EPB41: variants seen among roughly 807,000 people sequenced by gnomAD.
The protein encoded by EPB41 is protein 4.1.
EPB41 carries 65 observed loss-of-function variants against 108.0 expected under a neutral mutation model. The ratio of observed to expected loss-of-function variants is 0.60; its 90% CI spans 0.49 to 0.74. EPB41 has a LOEUF of 0.74. EPB41 is among the 30% of genes least tolerant of loss of function. EPB41 has a pLI of 0.00. For synonymous variants in EPB41, 336 were observed against 358.9 expected (o/e 0.94, Z 0.72); for missense variants, 875 against 1,037.0 (o/e 0.84, Z 2.15).
chr1:28,898,190 C>A lies in EPB41; in HGVS notation c.-8+10980C>A, dbSNP rs572347836. 2.0e-5 allele frequency among the ~76,000 whole-genome samples: 3 copies of A among 152,186 alleles called. No individual in the cohort carries two copies. In the South Asian group the frequency reaches 6.2e-4, roughly 32 times the overall value. On this transcript the variant is annotated intron_variant, in intron 1 of 16. Coordinates refer to the EPB41 transcript ENST00000347529. ...GGAAGTAGGGCCCACGTCAGGCAGA[C>A]CTTTGGGGATGTCACTGGCTCCCCT...
At chr1:29,105,743 C>CTTTTTTTTT (rs63685960) in intron 17 of EPB41, among the ~76,000 whole-genome samples, 3 of 91,082 alleles carry the variant, frequency 3.3e-5, no homozygotes, top group African/African-American at 4.3e-5. Flanking sequence ...ATGTACAGAT[C>CTTTTTTTTT]TTTTTTTTTT....
chr1:28,996,718 A>G (rs2096185281), intron 3 of EPB41, among the ~76,000 whole-genome samples: 1 of 152,232 alleles, frequency 6.6e-6, no homozygotes, highest in African/African-American at 2.4e-5. Flanking sequence ...AAGAACAGGA[A>G]TTTTATAAAT....
intron 19 of EPB41, among the ~76,000 whole-genome samples, chr1:29,113,056 CT>C (rs1172867163): frequency 1.3e-5 from 2 of 152,176 alleles, no homozygotes; most frequent in African/African-American, 4.8e-5. Context: ...CACTTTTCCG[CT>C]GATTTTTTTC....
chr1:29,102,893 C>T (rs984693266), intron 17 of EPB41, among the ~76,000 whole-genome samples: 4 of 152,186 alleles, frequency 2.6e-5, no homozygotes, highest in Non-Finnish European at 5.9e-5. Flanking sequence ...ATGCCTCAGC[C>T]TCCCAGGTGG....
intron 1 of EPB41, among the ~76,000 whole-genome samples, chr1:28,954,452 C>T (rs2094865528): frequency 6.6e-6 from 1 of 152,062 alleles, no homozygotes; most frequent in Admixed American, 6.6e-5. Flanking sequence ...TCAGGGAACC[C>T]CTTTGTTTAG....
intron 11 of EPB41, among the ~76,000 whole-genome samples, chr1:29,042,494 T>G (rs1191446704): frequency 6.6e-6 from 1 of 152,166 alleles, no homozygotes; most frequent in Non-Finnish European, 1.5e-5. Flanking sequence ...TTTTGTTTTT[T>G]TTGAGACAGA....
At chr1:29,011,940 C>T in intron 5 of EPB41, 33 bp downstream of exon 5, 1 of 1,612,290 alleles carries the variant, frequency 6.2e-7, no homozygotes, top group Non-Finnish European at 8.5e-7. Context: ...ATAGTTCTTT[C>T]TTTCTTTTAG....
At chr1:29,101,246 AAGAG>A (rs754736141) in intron 17 of EPB41, among the ~76,000 whole-genome samples, 3 of 151,988 alleles carry the variant, frequency 2.0e-5, no homozygotes, top group Non-Finnish European at 2.9e-5. Flanking sequence ...AAAAAAGAGA[AAGAG>A]AGAAATAGAA....
intron 16 of EPB41, chr1:29,097,495 T>C (rs1204793481): frequency 2.5e-6 from 1 of 392,574 alleles, no homozygotes; most frequent in East Asian, 5.8e-5. Flanking sequence ...GGCAAATCGT[T>C]TTATATTCAA....
chr1:28,987,983 C>T, intron 2 of EPB41, 78 bp downstream of exon 2: 1 of 1,492,456 alleles, frequency 6.7e-7, no homozygotes, highest in Middle Eastern at 1.8e-4. Context: ...AGTATTTGGG[C>T]TGGGCGCGGT....
intron 1 of EPB41, among the ~76,000 whole-genome samples, chr1:28,952,243 T>C (rs2094759601): frequency 6.6e-6 from 1 of 151,580 alleles, no homozygotes; most frequent in Non-Finnish European, 1.5e-5. Flanking sequence ...AAGTGGTTCG[T>C]GCGGCCGGGC....
chr1:29,034,982 T>C (rs1206993069), intron 9 of EPB41, among the ~76,000 whole-genome samples: 1 of 111,302 alleles, frequency 9.0e-6, no homozygotes, highest in African/African-American at 4.6e-5. Context: ...TGTTTTTTTT[T>C]TTTTTTTTTT....
intron 9 of EPB41, among the ~76,000 whole-genome samples, chr1:29,035,228 C>T (rs1489589231): frequency 6.6e-6 from 1 of 151,900 alleles, no homozygotes; most frequent in East Asian, 1.9e-4. Flanking sequence ...TGTGATCTGC[C>T]CACCTCGGCC....
chr1:28,951,564 C>G (rs1200053897), intron 1 of EPB41, among the ~76,000 whole-genome samples: 1 of 152,098 alleles, frequency 6.6e-6, no homozygotes, highest in African/African-American at 2.4e-5. Context: ...TGTTTGAAAT[C>G]GAGATCAGGC....
Position 28,914,684 on chromosome 1 carries a change from A to G in EPB41, c.-92A>G, listed in dbSNP as rs1024464800. 1 of 151,954 alleles carries G rather than the reference A, an allele frequency of 6.6e-6. No homozygotes were observed. Among genetic ancestry groups the G allele is most frequent in the Non-Finnish European group, 1.5e-5 (1 of 67,926 alleles). The allele number at this position is 151,954 out of a possible 1,614,324, so 9.4% of individuals were successfully genotyped here. On this transcript the variant is annotated 5_prime_UTR_variant, in exon 1 of 21. Transcript: ENST00000343067. ...GGGCCCGCGAGCCGCAGAGGGCCCG[A>G]GCCTCGGACGCCGGCGCCTCCTCCT... is the stretch of plus-strand genomic sequence containing the variant.
chr1:29,056,085 T>G (rs1200723442), intron 12 of EPB41, among the ~76,000 whole-genome samples: 1 of 150,956 alleles, frequency 6.6e-6, no homozygotes, highest in Non-Finnish European at 1.5e-5. Flanking sequence ...ATACAAAAAA[T>G]TAGCCAGGCG....
intron 16 of EPB41, among the ~76,000 whole-genome samples, chr1:29,094,971 T>C (rs1390757297): frequency 6.6e-6 from 1 of 152,268 alleles, no homozygotes; most frequent in East Asian, 1.9e-4. Flanking sequence ...TTACTCATAA[T>C]ACCTAATAAA....
At chr1:28,924,010 G>T (rs890644299) in intron 1 of EPB41, among the ~76,000 whole-genome samples, 1 of 152,094 alleles carries the variant, frequency 6.6e-6, no homozygotes, top group Middle Eastern at 3.2e-3. Flanking sequence ...AAATACTGTG[G>T]CTTCTCTCTT....
At chr1:28,915,442 C>T (rs1422862797) in intron 1 of EPB41, among the ~76,000 whole-genome samples, 1 of 152,108 alleles carries the variant, frequency 6.6e-6, no homozygotes. Flanking sequence ...GAGGCCGGGT[C>T]TGGGCTCGCC....
Sources: gnomAD v4.1 joint callset for allele counts (sites outside exome capture counted in the v4.1 genomes callset) on GRCh38, gnomAD v4.1.1 for gene constraint, MANE v1.5 for transcripts, NCBI Gene and HGNC (gene_info 2026-07-23, HGNC 2026-07-21) for gene names.